Variants in STXBP2 observed in about 807,000 individuals in gnomAD.
The protein encoded by STXBP2 is syntaxin binding protein 2, also known as syntaxin-binding protein 2.
STXBP2 carries 47 observed loss-of-function variants against 72.2 expected under a neutral mutation model. The observed-to-expected ratio is 0.65, with a 90% CI of 0.51 to 0.83. The LOEUF (loss-of-function observed/expected upper bound fraction) is 0.83. Ranked by LOEUF, STXBP2 falls within the 40% of genes least tolerant of loss-of-function variation. STXBP2 has a pLI of 0.00. For missense variants in STXBP2, 702 were observed against 807.6 expected (o/e 0.87, Z 1.58); for synonymous variants, 367 against 338.7 (o/e 1.08, Z -0.92).
chr19:7,642,833 GA>G lies in STXBP2; in HGVS notation c.960+11del, dbSNP rs777484527. ...GCTGACCACGGACAAGGTAGGGGCG[GA>G]CCCAGGTCACCAAAGGCGCTGGTGG... On this transcript the variant is annotated intron_variant, in intron 11 of 18. Transcript: ENST00000221283. The surrounding 1 kb of genome is among the most constrained non-coding windows in gnomAD (Gnocchi z 6.0). 1.8e-5 allele frequency: 29 copies of G among 1,613,990 alleles called. No homozygotes were observed. The African/African-American group carries it at 3.3e-4, about 19-fold the overall frequency.
At chr19:7,631,482 A>G in the STXBP2 span, 17 of 1,535,520 alleles carry the variant, frequency 1.1e-5, 1 homozygote, top group South Asian at 1.9e-4. Flanking sequence ...GCTTCAAGAG[A>G]TAGAGGAATT....
upstream of STXBP2, chr19:7,636,563 C>G (rs1255688020): frequency 6.6e-6 from 1 of 152,218 alleles, no homozygotes; most frequent in African/African-American, 2.4e-5. Flanking sequence ...TTAGGGATCC[C>G]GCTAAGCCTC....
At chr19:7,640,381 T>G (rs1220267845) in intron 4 of STXBP2, 2 of 581,908 alleles carry the variant, frequency 3.4e-6, no homozygotes, top group Non-Finnish European at 6.4e-6. Context: ...TGTGTGCGCA[T>G]CAGTGTCTGC....
In STXBP2 at chr19:7,640,787, G is replaced by A. The variant is rs766198135; in HGVS notation, c.303G>A (p.Ala101=). 23 of 1,614,048 alleles carry A rather than the reference G, an allele frequency of 1.4e-5. No individual in the cohort carries two copies. In the South Asian group the frequency reaches 1.8e-4, roughly 12 times the overall value. The change falls in exon 5 of 19, where the codon GCG becomes GCA. Residue 101 remains alanine (A), a synonymous_variant. Transcript: ENST00000221283. ...FQGTPTFTYK[A]AHIFFTDTCP... Reference sequence around the variant, plus strand: ...GGACCCCGACTTTCACCTACAAAGCGGCCCATATCTTCTTCACCGACAGTG... The same window carrying A: ...GGACCCCGACTTTCACCTACAAAGCAGCCCATATCTTCTTCACCGACAGTG...
chr19:7,639,854 A>G, intron 4 of STXBP2, 47 bp downstream of exon 4: 1 of 1,585,604 alleles, frequency 6.3e-7, no homozygotes, highest in Non-Finnish European at 8.6e-7. Context: ...ATGCGTGTAC[A>G]TGTGCATGTG....
upstream of STXBP2, chr19:7,636,929 A>C (rs115448382): frequency 4.5e-3 from 1,828 of 403,500 alleles, 27 homozygotes; most frequent in African/African-American, 0.031. Context: ...CGAGGTGTGC[A>C]CCTCCAGCGA....
upstream of STXBP2, chr19:7,632,558 TG>T: frequency 6.2e-7 from 1 of 1,606,590 alleles, no homozygotes; most frequent in Non-Finnish European, 8.5e-7. This position sits in a 1 kb window ranked among gnomAD's most constrained non-coding sequence, Gnocchi z 5.2. Flanking sequence ...ACAGCCGGAG[TG>T]GGGGCCCCCA....
chr19:7,640,484 G>T (rs1568465617), intron 4 of STXBP2: 1 of 685,064 alleles, frequency 1.5e-6, no homozygotes, highest in Non-Finnish European at 2.7e-6. Context: ...GTGCATGTGT[G>T]TATGTGTGTG....
upstream of STXBP2, chr19:7,632,439 C>T (rs765886363): frequency 5.0e-6 from 8 of 1,613,810 alleles, no homozygotes; most frequent in South Asian, 3.3e-5. This position sits in a 1 kb window ranked among gnomAD's most constrained non-coding sequence, Gnocchi z 5.2. Context: ...GACTGTCACA[C>T]GTTGGTCATC....
Position 7,642,029 on chromosome 19 carries a change from G to A in STXBP2, c.579-5G>A, listed in dbSNP as rs770074311. The stretch of plus-strand genomic sequence containing the variant: ...GATGTCCCCCGTGTCTGACCTCCCC[G>A]CCAGGGGCCCAGAGGACACAGCCCA... On this transcript the variant is annotated splice_region_variant and splice_polypyrimidine_tract_variant and intron_variant, in intron 7 of 18. Coordinates refer to ENST00000221283, the MANE Select transcript of STXBP2 (RefSeq NM_006949.4). The surrounding 1 kb of genome is among the most constrained non-coding windows in gnomAD (Gnocchi z 6.0). The A allele has an allele frequency of 1.1e-5, 17 of 1,613,654 alleles. No individual in the cohort carries two copies. Among genetic ancestry groups the A allele is most frequent in the African/African-American group, 5.3e-5 (4 of 74,872 alleles).
At chr19:7,630,319 CGTCTGTGTGTCT>C in the STXBP2 span, 2 of 545,948 alleles carry the variant, frequency 3.7e-6, no homozygotes, top group Non-Finnish European at 3.3e-6. Flanking sequence ...GTAGCTGGGG[CGTCTGTGTGTCT>C]GTCTGTGTTT....
In STXBP2 at chr19:7,640,533, T is replaced by C. The variant is rs1184424635; in HGVS notation, c.247-198T>C. 7.1e-6 allele frequency: 5 copies of C among 701,706 alleles called. No homozygotes were observed. In the African/African-American group the frequency reaches 7.3e-5, roughly 10 times the overall value. The allele number at this position is 701,706 out of a possible 1,614,324, so 43.5% of individuals were successfully genotyped here. ...GTGTGCATGTGTGCATGCGTGTGTATGTGTGTGTGCGTGCGTGCATCTGTG... is the reference window on the plus strand; with the variant it reads ...GTGTGCATGTGTGCATGCGTGTGTACGTGTGTGTGCGTGCGTGCATCTGTG... On this transcript the variant is annotated intron_variant, in intron 4 of 18. Transcript: ENST00000221283.
chr19:7,640,997 G>A lies in STXBP2; in HGVS notation c.423G>A (p.Glu141=). The A allele has an allele frequency of 6.2e-7, 1 of 1,614,156 alleles. No homozygotes were observed. The highest frequency in any genetic ancestry group is 8.5e-7 in the Non-Finnish European group (1 of 1,180,012). ...KEIHLAFLPY[E]AQVFSLDAPH... ...TTCACCTTGCCTTCCTCCCCTACGA[G>A]GCCCAGGTACGGCCCGGGCTCATCC... Residue 141 remains glutamate, a synonymous_variant, in exon 6 of 19, where the codon GAG becomes GAA. Transcript: ENST00000221283.
the STXBP2 span, chr19:7,631,856 C>G: frequency 3.7e-6 from 5 of 1,369,700 alleles, no homozygotes; most frequent in Non-Finnish European, 4.7e-6. Context: ...AGGGCAGTGC[C>G]GGCCACAGGT....
Position 7,640,964 on chromosome 19 carries a change from G to A in STXBP2, c.390G>A (p.Leu130=). ...GTCTGGCAAAGGTGGTGAAGACGTT[G>A]AAGGAGATTCACCTTGCCTTCCTCC... The part of the protein sequence containing the change: ...RSRLAKVVKT[L]KEIHLAFLPY... The change falls in exon 6 of 19, where the codon TTG becomes TTA. Residue 130 remains leucine (L), a synonymous_variant. Coordinates refer to ENST00000221283, the MANE Select transcript of STXBP2 (RefSeq NM_006949.4). 1.2e-6 allele frequency: 2 copies of A among 1,614,200 alleles called. No homozygotes were observed. Among genetic ancestry groups the A allele is most frequent in the Non-Finnish European group, 1.7e-6 (2 of 1,180,016 alleles).
At chr19:7,641,199 TAAAAAA>T (rs1417339723) in intron 6 of STXBP2, 196 bp downstream of exon 6, 7 of 663,368 alleles carry the variant, frequency 1.1e-5, no homozygotes, top group South Asian at 3.3e-5. Flanking sequence ...CCCCGTCTCT[TAAAAAA>T]AGAAAAAGAA....
chr19:7,647,861 C>G lies in STXBP2; in HGVS notation c.*51C>G. On this transcript the variant is annotated 3_prime_UTR_variant, in exon 19 of 19. Coordinates refer to ENST00000221283, the MANE Select transcript of STXBP2 (RefSeq NM_006949.4). ...CCTTTCCAGAGAAATAAACTCTTCCCGTCGCTCTGCCAGCCAGTGCCTACC... is the reference window on the plus strand; with the variant it reads ...CCTTTCCAGAGAAATAAACTCTTCCGGTCGCTCTGCCAGCCAGTGCCTACC... The G allele has an allele frequency of 6.6e-7, 1 of 1,516,460 alleles. No individual in the cohort carries two copies. Among genetic ancestry groups the G allele is most frequent in the Non-Finnish European group, 9.1e-7 (1 of 1,097,148 alleles). 93.9% of individuals were successfully genotyped at this position (1,516,460 alleles called of 1,614,324 possible).
rs868464112 is a variant in STXBP2 at position 7,643,344 on chromosome 19, C to G, written c.1107+99C>G. On this transcript the variant is annotated intron_variant, in intron 13 of 18. Coordinates refer to ENST00000221283, the MANE Select transcript of STXBP2 (RefSeq NM_006949.4). ...GAGATGGGGGGTTCTGGGGGAGGGG[C>G]AGGGCTTGTGGAGAGGTGGAGGGGC... 5.3e-5 allele frequency: 70 copies of G among 1,312,726 alleles called. 1 individual carries two copies. In the African/African-American group the frequency reaches 8.6e-4, roughly 16 times the overall value. 81.3% of individuals were successfully genotyped at this position (1,312,726 alleles called of 1,614,324 possible). A position where few individuals can be genotyped will look rare whatever the true frequency, so the allele number is the denominator to read the frequency against.
rs568064144 is a variant in STXBP2, at chr19:7,647,864, C to T, written c.*54C>T. The T allele has an allele frequency of 2.1e-5, 31 of 1,508,048 alleles. No homozygotes were observed. The African/African-American group carries it at 2.1e-4, about 10-fold the overall frequency. The allele number at this position is 1,508,048 out of a possible 1,614,324, so 93.4% of individuals were successfully genotyped here. A position where few individuals can be genotyped will look rare whatever the true frequency, so the allele number is the denominator to read the frequency against. ...TTCCAGAGAAATAAACTCTTCCCGT[C>T]GCTCTGCCAGCCAGTGCCTACCTCA... On this transcript the variant is annotated 3_prime_UTR_variant, in exon 19 of 19. Coordinates refer to ENST00000221283, the MANE Select transcript of STXBP2 (RefSeq NM_006949.4).
Sources: allele counts gnomAD v4.1 joint callset, GRCh38; gene constraint gnomAD v4.1.1; non-coding constraint Gnocchi (gnomAD v3.1); transcripts MANE v1.5; gene names NCBI Gene and HGNC (gene_info 2026-07-23, HGNC 2026-07-21).